Variants in PLA2G4D observed in about 807,000 individuals in gnomAD.
PLA2G4D encodes cytosolic phospholipase A2 delta.
In PLA2G4D, 80 loss-of-function variants were observed where a neutral mutation model predicts 94.4. The observed-to-expected ratio is 0.85, with a 90% CI of 0.71 to 1.02. The LOEUF (loss-of-function observed/expected upper bound fraction) is 1.02, where lower values mean the gene tolerates loss of function less well. Among genes scored for constraint, PLA2G4D ranks in the 50% least tolerant of loss-of-function variants. PLA2G4D has a pLI of 0.00. For missense variants in PLA2G4D, 1,050 were observed against 1,034.7 expected (o/e 1.01, Z -0.20); for synonymous variants, 438 against 440.9 (o/e 0.99, Z 0.08).
intron 4 of PLA2G4D, among the ~76,000 whole-genome samples, 156 bp from the exon 5 acceptor site, chr15:42,085,687 A>G (rs1281490577): frequency 6.6e-6 from 1 of 152,260 alleles, no homozygotes; most frequent in Non-Finnish European, 1.5e-5. Flanking sequence ...AAACTGAGGT[A>G]TGGGGCCAGA....
rs191391634 is a variant in PLA2G4D, at chr15:42,090,245, C to T, written c.46-2545G>A. 1.2e-3 allele frequency among the ~76,000 whole-genome samples: 188 copies of T among 152,270 alleles called. 1 individual carries two copies. In the Middle Eastern group the frequency reaches 0.024, roughly 19 times the overall value. On this transcript the variant is annotated intron_variant, in intron 1 of 19. Coordinates refer to ENST00000290472, the MANE Select transcript of PLA2G4D (RefSeq NM_178034.4). ...TATTCTGAGGCTTAAAATGTTAATG[C>T]CTGCAGACTGCTTAGGAATAAAGTA...
intron 18 of PLA2G4D, chr15:42,070,476 G>A: frequency 1.8e-6 from 1 of 563,092 alleles, no homozygotes; most frequent in Non-Finnish European, 3.1e-6. Flanking sequence ...CCGTCCAGCT[G>A]TTCTTTGGAG....
rs1051365764 is a variant in PLA2G4D at position 42,084,350 on chromosome 15, T to C, written c.472-571A>G. Among the ~76,000 whole-genome samples, 1 of 152,164 alleles carries C rather than the reference T, an allele frequency of 6.6e-6. No individual in the cohort carries two copies. Among genetic ancestry groups the C allele is most frequent in the Non-Finnish European group, 1.5e-5 (1 of 68,014 alleles). On this transcript the variant is annotated intron_variant, in intron 6 of 19. Coordinates refer to ENST00000290472, the MANE Select transcript of PLA2G4D (RefSeq NM_178034.4). The surrounding 1 kb of genome is among the most constrained non-coding windows in gnomAD (Gnocchi z 4.8). Reference sequence around the variant, plus strand: ...AATCACTGAATTTGCCCACCTGCTGTGTGTCTCCATCACCTCCTAAGAGGC... The same window carrying C: ...AATCACTGAATTTGCCCACCTGCTGCGTGTCTCCATCACCTCCTAAGAGGC...
Position 42,079,588 on chromosome 15 carries a change from C to A in PLA2G4D, c.1266G>T (p.Thr422=), listed in dbSNP as rs775599625. The A allele has an allele frequency of 7.5e-6, 12 of 1,608,858 alleles. No homozygotes were observed. The African/African-American group carries it at 1.6e-4, about 22-fold the overall frequency. Residue 422 remains threonine, a synonymous_variant, in exon 13 of 20, where the codon ACG becomes ACT. Coordinates refer to ENST00000290472, the MANE Select transcript of PLA2G4D (RefSeq NM_178034.4). ...CTAGCGCCCACAGGTCCACAAAGGT[C>A]GTGGGGTGGCCCTGCTCAGCCCGCA... ...LELRAEQGHP[T]TFVDLWALVL... is the part of the protein sequence containing the mutation.
chr15:42,088,382 G>A (rs2141103525), intron 1 of PLA2G4D, among the ~76,000 whole-genome samples: 1 of 152,356 alleles, frequency 6.6e-6, no homozygotes, highest in Non-Finnish European at 1.5e-5. Flanking sequence ...GTGGGCAGAA[G>A]CTGGAGGAGA....
rs769798028 is a variant in PLA2G4D at position 42,071,867 on chromosome 15, C to G, written c.1480G>C (p.Gly494Arg). 2.0e-5 allele frequency: 33 copies of G among 1,614,044 alleles called. No individual in the cohort carries two copies. Among genetic ancestry groups the G allele is most frequent in the African/African-American group, 2.7e-5 (2 of 74,936 alleles). The part of the protein sequence containing the change: ...SPYEVGFLKY[G>R]AFVPPELFGS... Reference sequence around the variant, plus strand: ...AAGAGCTCAGGAGGGACGAAGGCCCCGTACTTCAGGAAACCGACCTCATAG... The same window carrying G: ...AAGAGCTCAGGAGGGACGAAGGCCCGGTACTTCAGGAAACCGACCTCATAG... The change falls in exon 15 of 20, where the codon GGG becomes CGG. Residue 494 changes from glycine to arginine, a missense_variant. Transcript: ENST00000290472.
chr15:42,087,417 G>A lies in PLA2G4D; in HGVS notation c.138C>T (p.Tyr46=), dbSNP rs747766880. ...GTGCGGTCGACAGCTGTAGGATCAC[G>A]TAAGGGTCGGCCTCACTCACTGCCA... ...WADLLSEADP[Y]VILQLSTAPG... Residue 46 remains tyrosine (Y), a synonymous_variant, in exon 3 of 20, where the codon TAC becomes TAT. Transcript: ENST00000290472. 6.2e-6 allele frequency: 10 copies of A among 1,613,994 alleles called. No homozygotes were observed. Among genetic ancestry groups the A allele is most frequent in the African/African-American group, 4.0e-5 (3 of 74,896 alleles).
At position 42,067,179 on chromosome 15, in the gene PLA2G4D, C is replaced by G. The variant is rs7182261; in HGVS notation, c.*1536G>C. 15,770 of 152,158 alleles carry G rather than the reference C, an allele frequency of 0.1. 841 individuals are homozygous for G. Among genetic ancestry groups the G allele is most frequent in the Middle Eastern group, 0.14 (42 of 294 alleles). 9.4% of individuals were successfully genotyped at this position (152,158 alleles called of 1,614,324 possible). A position where few individuals can be genotyped will look rare whatever the true frequency, so the allele number is the denominator to read the frequency against. On this transcript the variant is annotated 3_prime_UTR_variant, in exon 20 of 20. Transcript: ENST00000290472. ...GTCCCGAAGCTCTCACTACAACCCC[C>G]ACCTGGGGCCAGGTGTGTGTGTGTG...
intron 16 of PLA2G4D, 28 bp from the exon 17 acceptor site, chr15:42,071,345 C>G: frequency 6.4e-7 from 1 of 1,566,090 alleles, no homozygotes; most frequent in South Asian, 1.2e-5. Context: ...GAAATTGGTC[C>G]CTTCTTCCCC....
At position 42,084,807 on chromosome 15, in the gene PLA2G4D, A is replaced by G. The variant is rs1890108964; in HGVS notation, c.471+289T>C. ...AAGCACTCAGTCAATCCCTAGAACT[A>G]TGAGTTCACCGCAGGTGACTAAACA... On this transcript the variant is annotated intron_variant, in intron 6 of 19. Coordinates refer to ENST00000290472, the MANE Select transcript of PLA2G4D (RefSeq NM_178034.4). This position sits in a 1 kb window ranked among gnomAD's most constrained non-coding sequence, Gnocchi z 4.8. 6.6e-6 allele frequency among the ~76,000 whole-genome samples: 1 copy of G among 152,142 alleles called. No homozygotes were observed.
Position 42,079,650 on chromosome 15 carries a change from G to C in PLA2G4D, c.1204C>G (p.Pro402Ala). 6.2e-7 allele frequency: 1 copy of C among 1,613,000 alleles called. No homozygotes were observed. The highest frequency in any genetic ancestry group is 8.5e-7 in the Non-Finnish European group (1 of 1,179,528). The part of the protein sequence containing the change: ...LAKSKLEVFS[P>A]ERLASYRREL... ...CGGCGGTAGCTCGCCAGGCGCTCTG[G>C]GGAAAAGACCTCCAGCTTGCTCTTG... Residue 402 changes from proline (P) to alanine (A), a missense_variant, in exon 13 of 20, where the codon CCA (proline) becomes GCA (alanine). Pro to Ala is a conservative substitution (Grantham distance 27). Coordinates refer to ENST00000290472, the MANE Select transcript of PLA2G4D (RefSeq NM_178034.4).
chr15:42,089,085 C>T (rs986663968), intron 1 of PLA2G4D, among the ~76,000 whole-genome samples: 1 of 152,252 alleles, frequency 6.6e-6, no homozygotes, highest in Non-Finnish European at 1.5e-5. Flanking sequence ...TCCCTTCACC[C>T]GCTCCTCCCC....
Position 42,087,406 on chromosome 15 carries a change from T to C in PLA2G4D, c.149A>G (p.Gln50Arg). 1.9e-6 allele frequency: 3 copies of C among 1,614,158 alleles called. No homozygotes were observed. Among genetic ancestry groups the C allele is most frequent in the Non-Finnish European group, 2.5e-6 (3 of 1,180,002 alleles). ...LSEADPYVIL[Q>R]LSTAPGMKFK... ...CTTCATTCCAGGTGCGGTCGACAGC[T>C]GTAGGATCACGTAAGGGTCGGCCTC... The change falls in exon 3 of 20, where the codon CAG (glutamine) becomes CGG (arginine). Residue 50 changes from glutamine to arginine, a missense_variant. Transcript: ENST00000290472.
chr15:42,087,609 G>A lies in PLA2G4D; in HGVS notation c.118+19C>T, dbSNP rs370740018. On this transcript the variant is annotated intron_variant, in intron 2 of 19. Transcript: ENST00000290472. ...TGGTCCTCCCTGCTCCCGACAGAGC[G>A]CACAGGGCGGTTACTCACACAGGTC... 284 of 1,613,778 alleles carry A rather than the reference G, an allele frequency of 1.8e-4. No individual in the cohort carries two copies. The highest frequency in any genetic ancestry group is 2.2e-4 in the Non-Finnish European group (265 of 1,179,884).
intron 1 of PLA2G4D, 128 bp from the exon 2 acceptor site, chr15:42,087,828 G>C: frequency 2.2e-6 from 2 of 924,366 alleles, no homozygotes; most frequent in South Asian, 1.6e-5. Flanking sequence ...CCTGCCAGGC[G>C]TTCCGGGGAC....
intron 8 of PLA2G4D, 36 bp downstream of exon 8, chr15:42,083,162 C>T (rs775082323): frequency 6.3e-7 from 1 of 1,599,822 alleles, no homozygotes; most frequent in Non-Finnish European, 8.5e-7. Context: ...CTGCCCAAGC[C>T]TAGGATTGCA....
chr15:42,088,915 A>G (rs1259585128), intron 1 of PLA2G4D, among the ~76,000 whole-genome samples: 2 of 152,100 alleles, frequency 1.3e-5, no homozygotes, highest in Non-Finnish European at 2.9e-5. Flanking sequence ...GGCCTATGAA[A>G]TGCTAACCCC....
At chr15:42,087,241 C>T in intron 3 of PLA2G4D, 59 bp downstream of exon 3, 5 of 1,606,922 alleles carry the variant, frequency 3.1e-6, no homozygotes, top group South Asian at 2.2e-5. Flanking sequence ...ACCCCAGGAA[C>T]CCTTGCATGG....
chr15:42,076,625 C>T (rs1189743681), intron 13 of PLA2G4D, among the ~76,000 whole-genome samples: 1 of 152,150 alleles, frequency 6.6e-6, no homozygotes, highest in Non-Finnish European at 1.5e-5. Context: ...AAAACATCAA[C>T]TGTCTAACTA....
Sources: gnomAD v4.1 joint callset for allele counts (sites outside exome capture counted in the v4.1 genomes callset) on GRCh38, gnomAD v4.1.1 for gene constraint, Gnocchi (gnomAD v3.1) non-coding constraint, MANE v1.5 for transcripts, NCBI Gene and HGNC (gene_info 2026-07-23, HGNC 2026-07-21) for gene names.